EVC2: variants seen among roughly 807,000 people sequenced by gnomAD.
EVC2 encodes limbin.
EVC2 carries 148 observed loss-of-function variants against 149.3 expected under a neutral mutation model. That is an observed-to-expected ratio of 0.99 (90% confidence interval 0.87 to 1.14). The LOEUF is 1.14. Ranked by LOEUF, EVC2 falls within the 50% of genes most tolerant of loss-of-function variation. EVC2 has a pLI of 0.00. For synonymous variants in EVC2, 776 were observed against 649.9 expected (o/e 1.19, Z -2.95); for missense variants, 1,854 against 1,627.3 (o/e 1.14, Z -2.40).
At chr4:5,694,793 G>A (rs1721363173) in intron 2 of EVC2, among the ~76,000 whole-genome samples, 1 of 152,208 alleles carries the variant, frequency 6.6e-6, no homozygotes, top group Non-Finnish European at 1.5e-5. Context: ...TGCCTGGGTT[G>A]ATTCTTACAC....
At chr4:5,568,419 G>C (rs200198874) in intron 20 of EVC2, 25 bp downstream of exon 20, 1,644 of 1,538,922 alleles carry the variant, frequency 1.1e-3, no homozygotes, top group Non-Finnish European at 1.3e-3. Context: ...CGTGCCCCGG[G>C]AGGCAGCCCC....
At chr4:5,628,431 C>G (rs1291761081) in intron 12 of EVC2, 128 bp downstream of exon 12, 3 of 1,245,366 alleles carry the variant, frequency 2.4e-6, no homozygotes, top group Admixed American at 2.0e-5. Flanking sequence ...CTTGAACTTC[C>G]CAGCCTCTAG....
chr4:5,699,163 A>G (rs1721670323), intron 1 of EVC2, among the ~76,000 whole-genome samples: 2 of 152,158 alleles, frequency 1.3e-5, no homozygotes, highest in Non-Finnish European at 2.9e-5. Flanking sequence ...GAAATGATGG[A>G]AATTGCAGAG....
Position 5,708,424 on chromosome 4 carries a change from A to G in EVC2, c.90T>C (p.Cys30=), listed in dbSNP as rs1722360264. The G allele has an allele frequency of 4.7e-6, 7 of 1,503,636 alleles. No homozygotes were observed. The highest frequency in any genetic ancestry group is 2.3e-4 in the Middle Eastern group (1 of 4,418). 93.1% of individuals were successfully genotyped at this position (1,503,636 alleles called of 1,614,324 possible). Residue 30 remains cysteine, a synonymous_variant, in exon 1 of 22, where the codon TGT becomes TGC. Coordinates refer to ENST00000344408, the MANE Select transcript of EVC2 (RefSeq NM_147127.5). ...AVALALGGRG[C]LGASSRPRWR... is the part of the protein sequence containing the mutation. ...AGCGGGGACGTGAGCTGGCGCCGAGACAGCCTCGGCCCCCCAGCGCCAGGG... is the reference window on the plus strand; with the variant it reads ...AGCGGGGACGTGAGCTGGCGCCGAGGCAGCCTCGGCCCCCCAGCGCCAGGG...
At position 5,583,091 on chromosome 4, in the gene EVC2, C is replaced by T. The variant is rs536134107; in HGVS notation, c.3057+1532G>A. Among the ~76,000 whole-genome samples, 26 of 149,268 alleles carry T rather than the reference C, an allele frequency of 1.7e-4. No homozygotes were observed. In the South Asian group the frequency reaches 5.5e-3, roughly 32 times the overall value. ...ATGCAAGAACAGACTAATATAAAGA[C>T]ATATTCTCTATATACTAAAATGATC... On this transcript the variant is annotated intron_variant, in intron 17 of 21. Transcript: ENST00000344408.
Position 5,576,570 on chromosome 4 carries a change from G to C in EVC2, c.3058-116C>G. On this transcript the variant is annotated intron_variant, in intron 17 of 21. Coordinates refer to ENST00000344408, the MANE Select transcript of EVC2 (RefSeq NM_147127.5). The surrounding 1 kb of genome is among the most constrained non-coding windows in gnomAD (Gnocchi z 4.5). ...GTCTGGCATGACTCTGTCTTGCCTGGTTCCCCATCCAGCTGTGCCACATGG... is the reference window on the plus strand; with the variant it reads ...GTCTGGCATGACTCTGTCTTGCCTGCTTCCCCATCCAGCTGTGCCACATGG... 1 of 1,519,536 alleles carries C rather than the reference G, an allele frequency of 6.6e-7. No homozygotes were observed. The highest frequency in any genetic ancestry group is 2.0e-5 in the Admixed American group (1 of 50,932). 94.1% of individuals were successfully genotyped at this position (1,519,536 alleles called of 1,614,324 possible). A position where few individuals can be genotyped will look rare whatever the true frequency, so the allele number is the denominator to read the frequency against.
chr4:5,554,616 C>A (rs2108761012), intron 21 of EVC2, among the ~76,000 whole-genome samples: 1 of 152,320 alleles, frequency 6.6e-6, no homozygotes, highest in Non-Finnish European at 1.5e-5. Flanking sequence ...AAGACATTTT[C>A]CTGGCTCCAG....
At chr4:5,688,774 CT>C (rs1269101771) in intron 5 of EVC2, among the ~76,000 whole-genome samples, 1 of 152,202 alleles carries the variant, frequency 6.6e-6, no homozygotes, top group Non-Finnish European at 1.5e-5. Context: ...CCAAAACAAA[CT>C]CTTCATCTTC....
chr4:5,618,558 G>A lies in EVC2; in HGVS notation c.2626C>T (p.Leu876=). ...LALPKIRARV[L]LQQFQTAWRE... is the part of the protein sequence containing the mutation. ...CACGCAGTCTGAAATTGCTGCAGCA[G>A]AACTCGGGCCCGGATCTTGGGGAGG... is the stretch of plus-strand genomic sequence containing the variant. The change falls in exon 15 of 22, where the codon CTG becomes TTG. Residue 876 remains leucine (L), a synonymous_variant. Coordinates refer to ENST00000344408, the MANE Select transcript of EVC2 (RefSeq NM_147127.5). The surrounding 1 kb of genome is among the most constrained non-coding windows in gnomAD (Gnocchi z 4.4). 6.2e-7 allele frequency: 1 copy of A among 1,614,194 alleles called. No individual in the cohort carries two copies. The highest frequency in any genetic ancestry group is 8.5e-7 in the Non-Finnish European group (1 of 1,180,048).
At chr4:5,673,666 G>A (rs936741604) in intron 7 of EVC2, among the ~76,000 whole-genome samples, 1 of 152,200 alleles carries the variant, frequency 6.6e-6, no homozygotes, top group Non-Finnish European at 1.5e-5. Context: ...TGCCTTTGAT[G>A]CATTCTGTCA....
chr4:5,642,904 T>C (rs1717440785), intron 9 of EVC2, among the ~76,000 whole-genome samples: 1 of 152,234 alleles, frequency 6.6e-6, no homozygotes, highest in African/African-American at 2.4e-5. Context: ...CTACTGCCTT[T>C]AATGTTTGAG....
chr4:5,587,498 G>T (rs1342842330), intron 16 of EVC2, among the ~76,000 whole-genome samples: 3 of 152,212 alleles, frequency 2.0e-5, no homozygotes, highest in African/African-American at 7.2e-5. Context: ...ATTTTTGGAA[G>T]ATTTTTAAAA....
At chr4:5,571,001 T>C (rs1431463907) in intron 19 of EVC2, among the ~76,000 whole-genome samples, 1 of 151,714 alleles carries the variant, frequency 6.6e-6, no homozygotes, top group East Asian at 1.9e-4. Context: ...GGGGGAAGAA[T>C]GAGGGGGATG....
intron 16 of EVC2, among the ~76,000 whole-genome samples, chr4:5,591,218 G>A (rs868083782): frequency 2.0e-5 from 3 of 152,142 alleles, no homozygotes; most frequent in African/African-American, 7.2e-5. Context: ...ACCCTATTTA[G>A]CATAAATTCC....
At chr4:5,639,076 C>T (rs1461283142) in intron 10 of EVC2, among the ~76,000 whole-genome samples, 5 of 152,108 alleles carry the variant, frequency 3.3e-5, no homozygotes, top group African/African-American at 9.7e-5. Context: ...GGCAGGACAG[C>T]GAGGACCTTG....
rs794727367 is a variant in EVC2 at position 5,563,072 on chromosome 4, A to C, written c.3703T>G (p.Phe1235Val). 6.2e-7 allele frequency: 1 copy of C among 1,614,048 alleles called. No individual in the cohort carries two copies. Among genetic ancestry groups the C allele is most frequent in the Admixed American group, 1.7e-5 (1 of 60,008 alleles). The part of the protein sequence containing the change: ...TCLPLRERMI[F>V]SGKGSWPHLS... ...TGTGGCCAACTTCCTTTTCCAGAGA[A>C]TATCATCCTCTCTCTGAGAGGGAGA... is the stretch of plus-strand genomic sequence containing the variant. The change falls in exon 22 of 22, where the codon TTC (phenylalanine) becomes GTC (valine). Residue 1235 changes from phenylalanine (F) to valine (V), a missense_variant. Physicochemically the swap from Phe to Val is conservative, Grantham distance 50. Transcript: ENST00000344408.
Position 5,663,391 on chromosome 4 carries a change from T to C in EVC2, c.1006-145A>G, listed in dbSNP as rs1719034916. 24 of 1,081,130 alleles carry C rather than the reference T, an allele frequency of 2.2e-5. No individual in the cohort carries two copies. In the South Asian group the frequency reaches 3.1e-4, roughly 14 times the overall value. 67.0% of individuals were successfully genotyped at this position (1,081,130 alleles called of 1,614,324 possible). On this transcript the variant is annotated intron_variant, in intron 8 of 21. Coordinates refer to ENST00000344408, the MANE Select transcript of EVC2 (RefSeq NM_147127.5). ...GTGACCACAGTAAACCCAGACAAGCTTTTGCGAATGTCCCTGAGCCTCTGT... is the reference window on the plus strand; with the variant it reads ...GTGACCACAGTAAACCCAGACAAGCCTTTGCGAATGTCCCTGAGCCTCTGT...
chr4:5,556,716 T>C (rs990457942), intron 21 of EVC2, among the ~76,000 whole-genome samples: 1 of 151,928 alleles, frequency 6.6e-6, no homozygotes, highest in African/African-American at 2.4e-5. Context: ...AAAGAAAACA[T>C]GAAAATTACC....
chr4:5,543,625 C>A (rs1017152541), intron 21 of EVC2, among the ~76,000 whole-genome samples: 9 of 152,120 alleles, frequency 5.9e-5, no homozygotes, highest in Non-Finnish European at 1.2e-4. Context: ...GGGAAAGGGG[C>A]TGATGGGAGT....
Sources: allele counts gnomAD v4.1 joint callset (sites outside exome capture counted in the v4.1 genomes callset), GRCh38; gene constraint gnomAD v4.1.1; non-coding constraint Gnocchi (gnomAD v3.1); transcripts MANE v1.5; gene names NCBI Gene and HGNC (gene_info 2026-07-23, HGNC 2026-07-21).